Variants in ARHGEF9 observed in about 807,000 individuals in gnomAD.
The protein encoded by ARHGEF9 is rho guanine nucleotide exchange factor 9.
A neutral mutation model predicts 41.3 loss-of-function variants in ARHGEF9; 2 were observed. That is an observed-to-expected ratio of 0.05 (90% confidence interval 0.02 to 0.15). The LOEUF is 0.15. Ranked by LOEUF, ARHGEF9 falls within the 10% of genes least tolerant of loss-of-function variation. The pLI is 1.00. For missense variants in ARHGEF9, 225 were observed against 424.7 expected (o/e 0.53, Z 4.13); for synonymous variants, 160 against 154.4 (o/e 1.04, Z -0.27).
chrX:63,754,693 G>A (rs1274122093), intron 1 of ARHGEF9: 5 of 946,214 alleles, frequency 5.3e-6, no homozygotes, highest in Non-Finnish European at 6.6e-6. Context: ...AGGAGAGGAG[G>A]AAGTAGGGTG....
At position 63,721,976 on chromosome X, in the gene ARHGEF9, T is replaced by C. The variant is rs192303941; in HGVS notation, c.210+2556A>G. On this transcript the variant is annotated intron_variant, in intron 2 of 9. Coordinates refer to ENST00000671741, the MANE Select transcript of ARHGEF9 (RefSeq NM_001353921.2). ...GTGAATAGGTCAAGACACATATACCTGGTAAGTTCCTGTACAGTGGCTAAA... is the reference window on the plus strand; with the variant it reads ...GTGAATAGGTCAAGACACATATACCCGGTAAGTTCCTGTACAGTGGCTAAA... Among the ~76,000 whole-genome samples the C allele has an allele frequency of 3.6e-5, 4 of 112,036 alleles. No homozygotes were observed. In the East Asian group the frequency reaches 1.1e-3, roughly 31 times the overall value.
intron 6 of ARHGEF9, among the ~76,000 whole-genome samples, chrX:63,666,760 G>T: frequency 9.0e-6 from 1 of 111,542 alleles, no homozygotes; most frequent in East Asian, 2.8e-4. Flanking sequence ...ACTGCCACAT[G>T]ATTCCTTGGT....
intron 6 of ARHGEF9, among the ~76,000 whole-genome samples, chrX:63,671,733 G>A (rs2049971694): frequency 8.9e-6 from 1 of 112,517 alleles, no homozygotes; most frequent in Non-Finnish European, 1.9e-5. Flanking sequence ...ATGTGCATGT[G>A]TATACACACA....
At chrX:63,652,347 A>T (rs2048601043) in intron 8 of ARHGEF9, among the ~76,000 whole-genome samples, 1 of 111,799 alleles carries the variant, frequency 8.9e-6, no homozygotes, top group Non-Finnish European at 1.9e-5. Flanking sequence ...TACTGAACAC[A>T]TATGGATTTT....
At chrX:63,756,291 T>G (rs782666119) in intron 1 of ARHGEF9, among the ~76,000 whole-genome samples, 25 of 112,153 alleles carry the variant, frequency 2.2e-4, no homozygotes, top group Admixed American at 2.2e-3. Flanking sequence ...TTTTTGCTCT[T>G]ATATTATAGG....
chrX:63,688,499 T>C (rs2147391944), intron 4 of ARHGEF9, among the ~76,000 whole-genome samples: 1 of 112,666 alleles, frequency 8.9e-6, no homozygotes, highest in African/African-American at 3.2e-5. Context: ...TGAATTGTGG[T>C]GTGTAAACCG....
chrX:63,645,276 G>A (rs2047950557), intron 8 of ARHGEF9, among the ~76,000 whole-genome samples: 1 of 109,728 alleles, frequency 9.1e-6, no homozygotes, highest in African/African-American at 3.3e-5. Flanking sequence ...TGTGCACAAT[G>A]TACAGGTTTG....
At chrX:63,647,249 C>T (rs1368706763) in intron 8 of ARHGEF9, among the ~76,000 whole-genome samples, 1 of 111,532 alleles carries the variant, frequency 9.0e-6, no homozygotes. Context: ...TTGCCCTGGC[C>T]AGAACTTCCA....
chrX:63,750,377 TGA>T (rs1316800354), intron 1 of ARHGEF9, among the ~76,000 whole-genome samples: 4 of 111,080 alleles, frequency 3.6e-5, no homozygotes, highest in South Asian at 3.9e-4. Flanking sequence ...CACCGGTGGG[TGA>T]GAGTCTCTGA....
At chrX:63,654,159 C>CA (rs782760710) in intron 8 of ARHGEF9, among the ~76,000 whole-genome samples, 13,235 of 90,009 alleles carry the variant, frequency 0.15, 973 homozygotes, top group Non-Finnish European at 0.22. Flanking sequence ...ATTATCAAAC[C>CA]AAAAAAAAAA....
At position 63,635,263 on chromosome X, in the gene ARHGEF9, T is replaced by A. The variant is rs1328100907; in HGVS notation, c.*2765A>T. 4 of 391,151 alleles carry A rather than the reference T, an allele frequency of 1.0e-5. No homozygotes were observed. Among genetic ancestry groups the A allele is most frequent in the African/African-American group, 2.7e-5 (1 of 36,895 alleles). The allele number at this position is 391,151 out of a possible 1,213,427, so 32.2% of individuals were successfully genotyped here. ...TCTTGTTGCTGTTCTTATAGATCCA[T>A]TAGAAATATACACATAGAGAGGGGG... On this transcript the variant is annotated 3_prime_UTR_variant, in exon 10 of 10. Coordinates refer to ENST00000671741, the MANE Select transcript of ARHGEF9 (RefSeq NM_001353921.2).
At position 63,731,636 on chromosome X, in the gene ARHGEF9, T is replaced by C. The variant is rs1326968900; in HGVS notation, c.31-6925A>G. ...GCGCAGTGGTGCAATCTCGGTTCAC[T>C]GCAACCTCCACCTCCCGGGTTCAAG... On this transcript the variant is annotated intron_variant, in intron 1 of 9. Coordinates refer to ENST00000671741, the MANE Select transcript of ARHGEF9 (RefSeq NM_001353921.2). Among the ~76,000 whole-genome samples the C allele has an allele frequency of 2.9e-5, 3 of 103,664 alleles. No individual in the cohort carries two copies. The East Asian group carries it at 9.6e-4, about 33-fold the overall frequency. The allele number at this position is 103,664 out of a possible 115,157, so 90.0% of individuals were successfully genotyped here. A position where few individuals can be genotyped will look rare whatever the true frequency, so the allele number is the denominator to read the frequency against.
intron 1 of ARHGEF9, among the ~76,000 whole-genome samples, chrX:63,780,012 G>A (rs1394013031): frequency 9.0e-6 from 1 of 111,588 alleles, no homozygotes; most frequent in South Asian, 3.8e-4. Flanking sequence ...GTATTAAATA[G>A]GACTTCTAGG....
chrX:63,649,656 T>C (rs1296218659), intron 8 of ARHGEF9, among the ~76,000 whole-genome samples: 2 of 111,206 alleles, frequency 1.8e-5, no homozygotes, highest in South Asian at 3.8e-4. Context: ...CAGGAGCTGG[T>C]TTTTTGAAAA....
intron 2 of ARHGEF9, among the ~76,000 whole-genome samples, chrX:63,714,717 T>C (rs1292673833): frequency 1.8e-5 from 2 of 112,175 alleles, no homozygotes; most frequent in Non-Finnish European, 3.8e-5. Context: ...AAACTGTGCA[T>C]GTAAAACAGT....
intron 9 of ARHGEF9, chrX:63,640,541 A>G (rs1324138094): frequency 6.2e-5 from 7 of 112,425 alleles, no homozygotes; most frequent in Non-Finnish European, 1.3e-4. Context: ...CTAGTTAATT[A>G]GGTTTATGTA....
intron 7 of ARHGEF9, among the ~76,000 whole-genome samples, chrX:63,658,453 G>A (rs782796239): frequency 8.9e-6 from 1 of 112,134 alleles, no homozygotes; most frequent in Admixed American, 9.4e-5. Flanking sequence ...TTGATGCCTT[G>A]CTGCCTAACC....
At chrX:63,717,794 G>A (rs1478402129) in intron 2 of ARHGEF9, among the ~76,000 whole-genome samples, 1 of 111,978 alleles carries the variant, frequency 8.9e-6, no homozygotes, top group East Asian at 2.8e-4. Context: ...AACTTAATGA[G>A]ATAGGTGTTG....
At chrX:63,739,845 T>G (rs1354678441) in intron 1 of ARHGEF9, among the ~76,000 whole-genome samples, 42 of 112,362 alleles carry the variant, frequency 3.7e-4, no homozygotes, top group African/African-American at 1.3e-3. Flanking sequence ...AATGAAGTCT[T>G]GCACTTAAAA....
Sources: gnomAD v4.1 joint callset for allele counts (sites outside exome capture counted in the v4.1 genomes callset) on GRCh38, gnomAD v4.1.1 for gene constraint, MANE v1.5 for transcripts, NCBI Gene and HGNC (gene_info 2026-07-23, HGNC 2026-07-21) for gene names.